Variants in ZNF804A observed in about 807,000 individuals in gnomAD.
ZNF804A encodes zinc finger protein 804A.
ZNF804A carries 2 observed loss-of-function variants against 16.5 expected under a neutral mutation model. The ratio of observed to expected loss-of-function variants is 0.12; its 90% CI spans 0.05 to 0.38. The LOEUF is 0.38. Among genes scored for constraint, ZNF804A ranks in the 10% least tolerant of loss-of-function variants. The pLI, the probability that ZNF804A is intolerant of heterozygous loss-of-function variation, is 0.99. For missense variants in ZNF804A, 1,473 were observed against 1,390.7 expected (o/e 1.06, Z -0.94); for synonymous variants, 534 against 489.6 (o/e 1.09, Z -1.20).
rs1454434829 is a variant in ZNF804A at position 184,937,711 on chromosome 2, G to A, written c.2315G>A (p.Arg772His). ...MNESERFYRK[R>H]RQHSHSYSSD... ...GAATCAGAAAGATTCTATCGAAAAC[G>A]TAGACAACATTCACATTCTTATTCT... Residue 772 changes from arginine to histidine, a missense_variant, in exon 4 of 4, where the codon CGT becomes CAT. By Grantham distance (29) the Arg-to-His change is conservative. Transcript: ENST00000302277. The A allele has an allele frequency of 8.1e-6, 13 of 1,613,850 alleles. No homozygotes were observed. The highest frequency in any genetic ancestry group is 1.3e-5 in the African/African-American group (1 of 74,892).
rs1184228597 is a variant in ZNF804A, at chr2:184,937,236, T to G, written c.1840T>G (p.Ser614Ala). 1.2e-6 allele frequency: 2 copies of G among 1,610,380 alleles called. No individual in the cohort carries two copies. Among genetic ancestry groups the G allele is most frequent in the African/African-American group, 2.7e-5 (2 of 74,526 alleles). ...TCATCATATGGAGAAAACCAAAGAATCAGAAACTCGCTGCAAAATGGAAGC... is the reference window on the plus strand; with the variant it reads ...TCATCATATGGAGAAAACCAAAGAAGCAGAAACTCGCTGCAAAATGGAAGC... ...QHHHMEKTKE[S>A]ETRCKMEAEN... Residue 614 changes from serine to alanine, a missense_variant, in exon 4 of 4, where the codon TCA becomes GCA. By Grantham distance (99) the Ser-to-Ala change is moderately conservative. Coordinates refer to ENST00000302277, the MANE Select transcript of ZNF804A (RefSeq NM_194250.2).
chr2:184,936,909 A>T lies in ZNF804A; in HGVS notation c.1513A>T (p.Thr505Ser), dbSNP rs1259069012. The stretch of plus-strand genomic sequence containing the variant: ...ACTTTCAGATTACAAGGATGTATCT[A>T]CAGAAGGACTCACTGATTATGAAAT... ...GPLSDYKDVS[T>S]EGLTDYEIGS... The change falls in exon 4 of 4, where the codon ACA (threonine) becomes TCA (serine). Residue 505 changes from threonine to serine, a missense_variant. Thr to Ser is a moderately conservative substitution (Grantham distance 58). Coordinates refer to ENST00000302277, the MANE Select transcript of ZNF804A (RefSeq NM_194250.2). The T allele has an allele frequency of 6.2e-7, 1 of 1,613,940 alleles. No homozygotes were observed. Among genetic ancestry groups the T allele is most frequent in the Admixed American group, 1.7e-5 (1 of 59,978 alleles).
chr2:184,603,135 T>A (rs376486774), intron 1 of ZNF804A, among the ~76,000 whole-genome samples: 11 of 152,310 alleles, frequency 7.2e-5, no homozygotes, highest in African/African-American at 2.6e-4. Context: ...AAAGAACTGC[T>A]AATTTACTAA....
intron 1 of ZNF804A, among the ~76,000 whole-genome samples, chr2:184,793,545 A>G (rs1052374454): frequency 1.3e-5 from 2 of 152,076 alleles, no homozygotes; most frequent in South Asian, 2.1e-4. Context: ...AATTTTTCAT[A>G]TGACTGTTGG....
intron 1 of ZNF804A, among the ~76,000 whole-genome samples, chr2:184,629,555 G>C (rs553401008): frequency 2.0e-3 from 298 of 152,204 alleles, no homozygotes; most frequent in Non-Finnish European, 3.3e-3. Context: ...ATAGAAAATA[G>C]TTAATACAAA....
At chr2:184,830,434 T>C (rs376980475) in intron 1 of ZNF804A, among the ~76,000 whole-genome samples, 4 of 152,124 alleles carry the variant, frequency 2.6e-5, no homozygotes, top group East Asian at 3.9e-4. Context: ...AGAGATTTTC[T>C]TCAGTGGTGA....
intron 1 of ZNF804A, among the ~76,000 whole-genome samples, chr2:184,691,248 C>A (rs1692720234): frequency 6.6e-6 from 1 of 151,930 alleles, no homozygotes; most frequent in South Asian, 2.1e-4. Flanking sequence ...TTTCAACTTG[C>A]TCAGCAAAAA....
At position 184,853,667 on chromosome 2, in the gene ZNF804A, CTTCT is replaced by C. The variant is rs1210892810; in HGVS notation, c.112-12697_112-12694del. Among the ~76,000 whole-genome samples the C allele has an allele frequency of 2.0e-5, 3 of 151,438 alleles. No individual in the cohort carries two copies. In the East Asian group the frequency reaches 5.8e-4, roughly 29 times the overall value. ...TTGAAATGATCATACGGTTTTTGACCTTCTTTCTATTAATATGGTGTGTCATATT... is the reference window on the plus strand; with the variant it reads ...TTGAAATGATCATACGGTTTTTGACCTTCTATTAATATGGTGTGTCATATT... On this transcript the variant is annotated intron_variant, in intron 1 of 3. Transcript: ENST00000302277.
At chr2:184,687,738 T>C (rs1482022379) in intron 1 of ZNF804A, among the ~76,000 whole-genome samples, 1 of 152,222 alleles carries the variant, frequency 6.6e-6, no homozygotes. Flanking sequence ...ACAACTGAAT[T>C]ATATAATTAA....
intron 1 of ZNF804A, among the ~76,000 whole-genome samples, chr2:184,837,928 TG>T (rs1558977711): frequency 6.6e-6 from 1 of 152,156 alleles, no homozygotes; most frequent in African/African-American, 2.4e-5. Flanking sequence ...CCATAGCCTT[TG>T]GGAGCTTGCC....
At chr2:184,724,925 T>C (rs1344603163) in intron 1 of ZNF804A, among the ~76,000 whole-genome samples, 1 of 151,820 alleles carries the variant, frequency 6.6e-6, no homozygotes, top group African/African-American at 2.4e-5. Flanking sequence ...AGTAGGCTGA[T>C]GCCTAAATTT....
At chr2:184,839,082 T>C (rs2105799099) in intron 1 of ZNF804A, among the ~76,000 whole-genome samples, 1 of 152,236 alleles carries the variant, frequency 6.6e-6, no homozygotes, top group South Asian at 2.1e-4. Context: ...TCATATTTTT[T>C]GTATACATGT....
chr2:184,677,844 A>G (rs1308768315), intron 1 of ZNF804A, among the ~76,000 whole-genome samples: 1 of 152,034 alleles, frequency 6.6e-6, no homozygotes, highest in African/African-American at 2.4e-5. Context: ...TTAAAATTAT[A>G]TAATTTTTAT....
At chr2:184,827,166 G>A (rs530736401) in intron 1 of ZNF804A, among the ~76,000 whole-genome samples, 2 of 151,628 alleles carry the variant, frequency 1.3e-5, no homozygotes, top group African/African-American at 2.4e-5. Flanking sequence ...TTAACTAAGT[G>A]TGAATAATTA....
chr2:184,730,091 T>TA (rs1313886460), intron 1 of ZNF804A, among the ~76,000 whole-genome samples: 1 of 152,162 alleles, frequency 6.6e-6, no homozygotes, highest in Non-Finnish European at 1.5e-5. Context: ...ATTATTTTGG[T>TA]AAAATCAAGA....
chr2:184,686,657 A>G (rs1340719056), intron 1 of ZNF804A, among the ~76,000 whole-genome samples: 1 of 152,200 alleles, frequency 6.6e-6, no homozygotes, highest in Non-Finnish European at 1.5e-5. Context: ...TTATGTTCCC[A>G]CCAACAGTAT....
At chr2:184,896,774 A>G (rs1558995839) in intron 2 of ZNF804A, among the ~76,000 whole-genome samples, 1 of 149,900 alleles carries the variant, frequency 6.7e-6, no homozygotes, top group Non-Finnish European at 1.5e-5. Flanking sequence ...ATCCTTACAT[A>G]TAAAAATAAT....
intron 1 of ZNF804A, among the ~76,000 whole-genome samples, chr2:184,845,601 G>A (rs962236721): frequency 1.3e-5 from 2 of 152,076 alleles, no homozygotes; most frequent in Admixed American, 6.6e-5. Flanking sequence ...ATTGAATTGA[G>A]CTATGGAAAA....
At chr2:184,697,815 G>A (rs1414623222) in intron 1 of ZNF804A, among the ~76,000 whole-genome samples, 1 of 151,908 alleles carries the variant, frequency 6.6e-6, no homozygotes, top group Non-Finnish European at 1.5e-5. Flanking sequence ...TCTAGAAGAG[G>A]GCTTCAAGAT....
Sources: gnomAD v4.1 joint callset for allele counts (sites outside exome capture counted in the v4.1 genomes callset) on GRCh38, gnomAD v4.1.1 for gene constraint, MANE v1.5 for transcripts, NCBI Gene and HGNC (gene_info 2026-07-23, HGNC 2026-07-21) for gene names.